The following MAPK10 variants were observed in gnomAD, a reference collection of about 807,000 sequenced individuals.
The protein encoded by MAPK10 is JNK3 alpha protein kinase.
MAPK10 carries 25 observed loss-of-function variants against 59.3 expected under a neutral mutation model. That is an observed-to-expected ratio of 0.42 (90% confidence interval 0.31 to 0.59). MAPK10 has a LOEUF of 0.59. Among genes scored for constraint, MAPK10 ranks in the 20% least tolerant of loss-of-function variants. The pLI is 0.15. For missense variants in MAPK10, 351 were observed against 568.9 expected (o/e 0.62, Z 3.90); for synonymous variants, 190 against 200.5 (o/e 0.95, Z 0.44).
intron 3 of MAPK10, among the ~76,000 whole-genome samples, chr4:86,189,055 G>A (rs910370676): frequency 6.6e-6 from 1 of 152,144 alleles, no homozygotes; most frequent in Non-Finnish European, 1.5e-5. Flanking sequence ...GATGGTTGTA[G>A]ATTTGGGGCA....
intron 9 of MAPK10, among the ~76,000 whole-genome samples, chr4:86,091,974 G>A (rs2053307318): frequency 6.6e-6 from 1 of 151,948 alleles, no homozygotes; most frequent in Non-Finnish European, 1.5e-5. Flanking sequence ...GCCTGGCCCA[G>A]TTGTTGATTT....
chr4:86,059,422 A>C (rs1327812485), intron 11 of MAPK10, among the ~76,000 whole-genome samples: 1 of 152,246 alleles, frequency 6.6e-6, no homozygotes, highest in Non-Finnish European at 1.5e-5. Context: ...CATTATAAAC[A>C]AACAGTAAAT....
Position 86,487,383 on chromosome 4 carries a change from GT to G in MAPK10, c.-263+106526del, listed in dbSNP as rs1754084008. Among the ~76,000 whole-genome samples the G allele has an allele frequency of 2.0e-5, 3 of 146,666 alleles. No homozygotes were observed. In the South Asian group the frequency reaches 6.4e-4, roughly 31 times the overall value. ...AGAGAGTGTGTGTGTGTGTGTGTGT[GT>G]AGAGAGAGAAAGAAGGAGTATAATA... On this transcript the variant is annotated intron_variant, in intron 1 of 4. Coordinates refer to the MAPK10 transcript ENST00000502302.
chr4:86,501,553 G>A (rs1161321104), intron 1 of MAPK10, among the ~76,000 whole-genome samples: 11 of 151,912 alleles, frequency 7.2e-5, no homozygotes, highest in East Asian at 1.9e-4. Context: ...AGGAGGGTTC[G>A]CTTTTTTATA....
chr4:86,357,640 G>C (rs924944047), intron 1 of MAPK10: 1 of 152,090 alleles, frequency 6.6e-6, no homozygotes, highest in African/African-American at 2.4e-5. Context: ...AGACATACCA[G>C]ACAATGACAG....
intron 4 of MAPK10, among the ~76,000 whole-genome samples, chr4:86,141,516 A>C (rs73837417): frequency 0.049 from 7,461 of 152,278 alleles, 611 homozygotes; most frequent in African/African-American, 0.17. Context: ...AGCAAAGACT[A>C]TCAGTTATAG....
chr4:86,051,922 G>A lies in MAPK10; in HGVS notation c.1110+12344C>T, dbSNP rs546703834. Among the ~76,000 whole-genome samples the A allele has an allele frequency of 5.3e-5, 8 of 152,006 alleles. No individual in the cohort carries two copies. The East Asian group carries it at 9.7e-4, about 18-fold the overall frequency. On this transcript the variant is annotated intron_variant, in intron 11 of 13. Transcript: ENST00000641462. ...TATCGCAAAGGAAGTGAGTGCTTCC[G>A]AAAAACAAAGTGGAAACAAAGTATG...
At chr4:86,050,979 A>G (rs1416790195) in intron 11 of MAPK10, among the ~76,000 whole-genome samples, 1 of 152,206 alleles carries the variant, frequency 6.6e-6, no homozygotes, top group Non-Finnish European at 1.5e-5. Flanking sequence ...GAAGGAATTC[A>G]GCTTTCAAAA....
intron 2 of MAPK10, among the ~76,000 whole-genome samples, chr4:86,240,043 T>G (rs1343785872): frequency 6.6e-6 from 1 of 152,206 alleles, no homozygotes; most frequent in African/African-American, 2.4e-5. Flanking sequence ...CTCTGGTATG[T>G]TGTCTCTTTG....
chr4:86,445,968 G>T (rs570921349), intron 1 of MAPK10, among the ~76,000 whole-genome samples: 19 of 152,102 alleles, frequency 1.2e-4, no homozygotes, highest in South Asian at 8.3e-4. Context: ...TAAAGGTAAA[G>T]AAAAAAATCT....
chr4:86,172,591 G>C (rs1202275499), intron 3 of MAPK10, among the ~76,000 whole-genome samples: 5 of 150,688 alleles, frequency 3.3e-5, no homozygotes, highest in Non-Finnish European at 7.4e-5. Context: ...GGGGGAGTGG[G>C]GAGGGATAGC....
At chr4:86,076,248 C>T (rs913291836) in intron 9 of MAPK10, among the ~76,000 whole-genome samples, 32 of 152,186 alleles carry the variant, frequency 2.1e-4, no homozygotes, top group Admixed American at 3.3e-4. Context: ...CGCCCTGCTT[C>T]GGCTCGCGCA....
intron 1 of MAPK10, among the ~76,000 whole-genome samples, chr4:86,570,030 A>G (rs1761341125): frequency 6.6e-6 from 1 of 152,228 alleles, no homozygotes; most frequent in Non-Finnish European, 1.5e-5. Context: ...AGTACTATCC[A>G]TCAAGATAAA....
At chr4:86,419,690 G>A (rs1458700505) in intron 1 of MAPK10, among the ~76,000 whole-genome samples, 1 of 152,042 alleles carries the variant, frequency 6.6e-6, no homozygotes, top group Non-Finnish European at 1.5e-5. Context: ...AATGTTCACT[G>A]ACATTAGAGA....
chr4:86,392,654 T>C (rs1040035044), intron 1 of MAPK10, among the ~76,000 whole-genome samples: 6 of 152,268 alleles, frequency 3.9e-5, no homozygotes, highest in East Asian at 1.9e-4. Context: ...ATTATAGTGT[T>C]CCATTCTATC....
chr4:86,165,505 T>G (rs7697017), intron 3 of MAPK10, among the ~76,000 whole-genome samples: 2 of 148,004 alleles, frequency 1.4e-5, no homozygotes, highest in Admixed American at 1.4e-4. Flanking sequence ...AGCCTTCTGA[T>G]AGCTGATACT....
At chr4:86,184,169 C>A (rs1007730920) in intron 3 of MAPK10, among the ~76,000 whole-genome samples, 3 of 152,104 alleles carry the variant, frequency 2.0e-5, no homozygotes, top group African/African-American at 7.2e-5. Flanking sequence ...TCAATTTTGT[C>A]TTTTGTTGCC....
At chr4:86,311,653 GC>G (rs1309486313) in intron 2 of MAPK10, among the ~76,000 whole-genome samples, 1 of 151,986 alleles carries the variant, frequency 6.6e-6, no homozygotes, top group Non-Finnish European at 1.5e-5. Context: ...TAGGTGTGTT[GC>G]CTGCTTCTGG....
At chr4:86,126,262 T>TA (rs1229124797) in intron 4 of MAPK10, among the ~76,000 whole-genome samples, 1 of 152,106 alleles carries the variant, frequency 6.6e-6, no homozygotes, top group East Asian at 1.9e-4. Flanking sequence ...TCTTTATCTT[T>TA]TCTTGTTTTA....
Sources: allele counts gnomAD v4.1 joint callset (sites outside exome capture counted in the v4.1 genomes callset), GRCh38; gene constraint gnomAD v4.1.1; transcripts MANE v1.5; gene names NCBI Gene and HGNC (gene_info 2026-07-23, HGNC 2026-07-21).